Variants in ZC3H6 observed in about 807,000 individuals in gnomAD.
The protein encoded by ZC3H6 is zinc finger CCCH domain-containing protein 6.
Under a neutral mutation model 107.7 loss-of-function variants are expected in ZC3H6, and 40 were observed. The observed-to-expected ratio is 0.37, with a 90% CI of 0.29 to 0.48. ZC3H6 has a LOEUF of 0.48. Ranked by LOEUF, ZC3H6 falls within the 20% of genes least tolerant of loss-of-function variation. The pLI, the probability that ZC3H6 is intolerant of heterozygous loss-of-function variation, is 0.98. For synonymous variants in ZC3H6, 493 were observed against 487.9 expected (o/e 1.01, Z -0.14); for missense variants, 1,267 against 1,410.4 (o/e 0.90, Z 1.63).
intron 7 of ZC3H6, among the ~76,000 whole-genome samples, chr2:112,319,642 T>C (rs1404110460): frequency 6.7e-6 from 1 of 149,936 alleles, no homozygotes; most frequent in East Asian, 1.9e-4. Context: ...CAAGACTCTG[T>C]CTCAAAAAAA....
chr2:112,289,044 CT>C (rs961183706), intron 1 of ZC3H6, among the ~76,000 whole-genome samples: 2 of 61,152 alleles, frequency 3.3e-5, no homozygotes, highest in African/African-American at 5.2e-5. Flanking sequence ...CTGAACCACT[CT>C]TTTTTTTCTT....
intron 1 of ZC3H6, among the ~76,000 whole-genome samples, chr2:112,290,459 G>A (rs1246793705): frequency 6.6e-6 from 1 of 152,246 alleles, no homozygotes; most frequent in African/African-American, 2.4e-5. Flanking sequence ...TGTGCTCATA[G>A]CACCATTTAC....
intron 3 of ZC3H6, among the ~76,000 whole-genome samples, chr2:112,309,057 GAAAT>G (rs1676545239): frequency 6.6e-6 from 1 of 151,802 alleles, no homozygotes; most frequent in Non-Finnish European, 1.5e-5. Flanking sequence ...TGTCTCAAAA[GAAAT>G]AAATAAATAA....
intron 3 of ZC3H6, among the ~76,000 whole-genome samples, chr2:112,308,795 T>C (rs1488728306): frequency 6.7e-6 from 1 of 150,372 alleles, no homozygotes; most frequent in Non-Finnish European, 1.5e-5. Context: ...GGGTCACACC[T>C]GTAATCCCAG....
chr2:112,301,894 T>G (rs527525508), intron 2 of ZC3H6, among the ~76,000 whole-genome samples: 12 of 151,954 alleles, frequency 7.9e-5, no homozygotes, highest in Non-Finnish European at 1.3e-4. Flanking sequence ...GTATATATGC[T>G]GAGGGTGAAA....
At chr2:112,299,133 C>T (rs1461144387) in intron 1 of ZC3H6, among the ~76,000 whole-genome samples, 4 of 151,844 alleles carry the variant, frequency 2.6e-5, no homozygotes, top group South Asian at 2.1e-4. Flanking sequence ...AAAAATTAGC[C>T]GGGCGTGGTG....
intron 1 of ZC3H6, 40 bp downstream of exon 1, chr2:112,276,066 G>C: frequency 2.0e-6 from 3 of 1,533,426 alleles, no homozygotes; most frequent in Non-Finnish European, 2.6e-6. Flanking sequence ...TCGGATGAGA[G>C]GAGGGGTCTG....
rs1209218205 is a variant in ZC3H6, at chr2:112,280,158, A to T, written c.32+4132A>T. Among the ~76,000 whole-genome samples the T allele has an allele frequency of 2.0e-5, 3 of 152,200 alleles. No individual in the cohort carries two copies. The East Asian group carries it at 5.8e-4, about 29-fold the overall frequency. ...TCAATTTTAATTAAAAAAATTGCAGATGCCTTTTCTCAGATTAGAGTACAC... is the reference window on the plus strand; with the variant it reads ...TCAATTTTAATTAAAAAAATTGCAGTTGCCTTTTCTCAGATTAGAGTACAC... On this transcript the variant is annotated intron_variant, in intron 1 of 11. Coordinates refer to ENST00000409871, the MANE Select transcript of ZC3H6 (RefSeq NM_198581.3).
chr2:112,332,606 C>A lies in ZC3H6; in HGVS notation c.*118C>A. On this transcript the variant is annotated 3_prime_UTR_variant, in exon 12 of 12. Transcript: ENST00000409871. The stretch of plus-strand genomic sequence containing the variant: ...TTAAATTATAAACACTTTTCAGCTG[C>A]TAGTATCAGAACCACATGAAGTTAT... 1 of 1,016,246 alleles carries A rather than the reference C, an allele frequency of 9.8e-7. No individual in the cohort carries two copies. Among genetic ancestry groups the A allele is most frequent in the Non-Finnish European group, 1.4e-6 (1 of 716,948 alleles). 63.0% of individuals were successfully genotyped at this position (1,016,246 alleles called of 1,614,324 possible).
Position 112,333,688 on chromosome 2 carries a change from CTG to C in ZC3H6, c.*1201_*1202del, listed in dbSNP as rs1335276866. ...TGTTTTATACATATATAATTTATAA[CTG>C]AATCTAAGTATTAGACTGCTACTCA... On this transcript the variant is annotated 3_prime_UTR_variant, in exon 12 of 12. Coordinates refer to ENST00000409871, the MANE Select transcript of ZC3H6 (RefSeq NM_198581.3). The C allele has an allele frequency of 6.6e-6, 1 of 152,006 alleles. No individual in the cohort carries two copies. Among genetic ancestry groups the C allele is most frequent in the Non-Finnish European group, 1.5e-5 (1 of 67,950 alleles). The allele number at this position is 152,006 out of a possible 1,614,324, so 9.4% of individuals were successfully genotyped here. A position where few individuals can be genotyped will look rare whatever the true frequency, so the allele number is the denominator to read the frequency against.
At chr2:112,324,809 C>A in intron 10 of ZC3H6, 146 bp downstream of exon 10, 1 of 1,155,516 alleles carries the variant, frequency 8.7e-7, no homozygotes, top group Non-Finnish European at 1.2e-6. Context: ...GTTTGCCAAA[C>A]TTTTGAAACA....
At chr2:112,301,636 C>G (rs561618018) in intron 2 of ZC3H6, among the ~76,000 whole-genome samples, 1 of 151,856 alleles carries the variant, frequency 6.6e-6, no homozygotes, top group Admixed American at 6.6e-5. Context: ...AGAAAGCATG[C>G]CCACAAAGCA....
rs2104730605 is a variant in ZC3H6, at chr2:112,334,749, A to T, written c.*2261A>T. ...GGATATTCTGTCATATCCTGTAAAC[A>T]TAGTTTATTTTTCTTCTTTTTTCCC... On this transcript the variant is annotated 3_prime_UTR_variant, in exon 12 of 12. Coordinates refer to ENST00000409871, the MANE Select transcript of ZC3H6 (RefSeq NM_198581.3). 1 of 152,716 alleles carries T rather than the reference A, an allele frequency of 6.5e-6. No individual in the cohort carries two copies. The highest frequency in any genetic ancestry group is 2.1e-4 in the South Asian group (1 of 4,830). The allele number at this position is 152,716 out of a possible 1,614,324, so 9.5% of individuals were successfully genotyped here.
At chr2:112,319,377 G>A (rs1676760134) in intron 7 of ZC3H6, among the ~76,000 whole-genome samples, 1 of 152,066 alleles carries the variant, frequency 6.6e-6, no homozygotes, top group African/African-American at 2.4e-5. Context: ...CAGGCACGGT[G>A]GCTCATGCCT....
rs1321343434 is a variant in ZC3H6, at chr2:112,332,226, T to C, written c.3308T>C (p.Val1103Ala). ...AILPQKPSPNVGVTLEGPADP... is the reference protein window; with the variant it reads ...AILPQKPSPNAGVTLEGPADP... Reference sequence around the variant, plus strand: ...CTTCCACAAAAACCCAGTCCAAACGTGGGAGTCACTCTTGAGGGGCCAGCT... The same window carrying C: ...CTTCCACAAAAACCCAGTCCAAACGCGGGAGTCACTCTTGAGGGGCCAGCT... The change falls in exon 12 of 12, where the codon GTG becomes GCG. Residue 1103 changes from valine (V) to alanine (A), a missense_variant. Physicochemically the swap from Val to Ala is moderately conservative, Grantham distance 64 (BLOSUM62 0). This residue lies in a region of ZC3H6 where 925 missense variants were observed against 1,025.7 expected (regional missense o/e 0.90). Transcript: ENST00000409871. 1 of 1,613,868 alleles carries C rather than the reference T, an allele frequency of 6.2e-7. No homozygotes were observed. Among genetic ancestry groups the C allele is most frequent in the African/African-American group, 1.3e-5 (1 of 74,926 alleles).
intron 5 of ZC3H6, 61 bp from the exon 6 acceptor site, chr2:112,316,409 T>C: frequency 1.0e-6 from 1 of 1,003,688 alleles, no homozygotes; most frequent in Non-Finnish European, 1.5e-6. Context: ...AACTTAATCA[T>C]ACATTTTGAT....
intron 1 of ZC3H6, among the ~76,000 whole-genome samples, chr2:112,288,807 T>C (rs1686658345): frequency 1.3e-5 from 2 of 152,198 alleles, no homozygotes; most frequent in Non-Finnish European, 2.9e-5. Flanking sequence ...AATAAGAGAT[T>C]TCATTTGGTT....
chr2:112,313,437 T>C (rs1676629088), intron 5 of ZC3H6, among the ~76,000 whole-genome samples: 1 of 152,102 alleles, frequency 6.6e-6, no homozygotes, highest in African/African-American at 2.4e-5. Context: ...TAAACAAAAT[T>C]AGCTTCCAGG....
chr2:112,336,552 A>G lies in ZC3H6; in HGVS notation c.*4064A>G, dbSNP rs1185100948. On this transcript the variant is annotated 3_prime_UTR_variant, in exon 12 of 12. Coordinates refer to ENST00000409871, the MANE Select transcript of ZC3H6 (RefSeq NM_198581.3). ...TATAACCAAACGGCCTAAGAGTTCA[A>G]AGCTATTTTCTTAGGTGTTACACCT... The G allele has an allele frequency of 6.6e-6, 1 of 152,200 alleles. No homozygotes were observed. The highest frequency in any genetic ancestry group is 1.9e-4 in the East Asian group (1 of 5,196). The allele number at this position is 152,200 out of a possible 1,614,324, so 9.4% of individuals were successfully genotyped here.
Sources: gnomAD v4.1 joint callset for allele counts (sites outside exome capture counted in the v4.1 genomes callset) on GRCh38, gnomAD v4.1.1 for gene constraint, gnomAD v4.1.1 regional missense constraint, MANE v1.5 for transcripts, NCBI Gene and HGNC (gene_info 2026-07-23, HGNC 2026-07-21) for gene names.